MANBA: variants seen among roughly 807,000 people sequenced by gnomAD.
The protein encoded by MANBA is mannosidase beta, also known as beta-mannosidase.
Under a neutral mutation model 111.1 loss-of-function variants are expected in MANBA, and 83 were observed. The observed-to-expected ratio is 0.75, with a 90% confidence interval of 0.63 to 0.90. The LOEUF (loss-of-function observed/expected upper bound fraction) is 0.90. MANBA is among the 40% of genes least tolerant of loss of function. The pLI is 0.00. For missense variants in MANBA, 1,036 were observed against 1,069.0 expected, an observed-to-expected ratio of 0.97 and a Z score of 0.43; for synonymous variants, 370 against 378.7, an observed-to-expected ratio of 0.98 and a Z score of 0.27.
chr4:102,693,919 T>C (rs1347614634), intron 5 of MANBA, among the ~76,000 whole-genome samples: 5 of 152,198 alleles, frequency 3.3e-5, no homozygotes, highest in Non-Finnish European at 7.3e-5. Context: ...CCCTTTACAC[T>C]GAATTTGAAA....
intron 4 of MANBA, chr4:102,722,410 AAAT>A (rs1409699235): frequency 5.3e-6 from 1 of 188,954 alleles, no homozygotes; most frequent in African/African-American, 2.4e-5. Flanking sequence ...ACTCTAAGAA[AAAT>A]AATTACTTTT....
At chr4:102,732,437 G>C (rs926138517) in intron 1 of MANBA, among the ~76,000 whole-genome samples, 2 of 152,220 alleles carry the variant, frequency 1.3e-5, no homozygotes, top group Admixed American at 6.5e-5. Flanking sequence ...TTCCACACAG[G>C]TAAGAGCCAG....
intron 7 of MANBA, among the ~76,000 whole-genome samples, chr4:102,688,295 G>A (rs969102917): frequency 2.7e-4 from 40 of 146,424 alleles, no homozygotes; most frequent in African/African-American, 8.0e-4. Context: ...GCGTGCGCGC[G>A]CACACACACA....
At chr4:102,659,618 C>T (rs1240827324) in intron 11 of MANBA, among the ~76,000 whole-genome samples, 1 of 152,124 alleles carries the variant, frequency 6.6e-6, no homozygotes, top group East Asian at 1.9e-4. Context: ...TAAAAAGTCC[C>T]TTTGATCCCT....
At position 102,721,532 on chromosome 4, in the gene MANBA, A is replaced by T. The variant is rs193090588; in HGVS notation, c.549+1339T>A. ...GTGGAAGCAACCTAAACGTCCGTCAACAGATGAATGGATAAACAAAATGTG... is the reference window on the plus strand; with the variant it reads ...GTGGAAGCAACCTAAACGTCCGTCATCAGATGAATGGATAAACAAAATGTG... On this transcript the variant is annotated intron_variant, in intron 4 of 16. Transcript: ENST00000647097. Among the ~76,000 whole-genome samples, 621 of 152,312 alleles carry T rather than the reference A, an allele frequency of 4.1e-3. 4 individuals carry two copies. Among genetic ancestry groups the T allele is most frequent in the African/African-American group, 0.014 (577 of 41,572 alleles).
At chr4:102,697,258 ATAATT>A (rs1329662385) in intron 5 of MANBA, among the ~76,000 whole-genome samples, 1 of 152,222 alleles carries the variant, frequency 6.6e-6, no homozygotes, top group Admixed American at 6.5e-5. Flanking sequence ...TATGGAAAAA[ATAATT>A]TAAAGATGAA....
chr4:102,639,669 G>A (rs1274464778), intron 14 of MANBA, 44 bp downstream of exon 14: 14 of 1,613,136 alleles, frequency 8.7e-6, no homozygotes, highest in Non-Finnish European at 1.2e-5. Context: ...TCTCCCCACA[G>A]TGTTGCTTTC....
intron 5 of MANBA, among the ~76,000 whole-genome samples, chr4:102,696,003 G>A (rs1327666231): frequency 6.6e-6 from 1 of 152,114 alleles, no homozygotes; most frequent in Non-Finnish European, 1.5e-5. Context: ...TGAGGCAGGA[G>A]GATCTCTTGA....
chr4:102,645,908 T>C (rs72936916), intron 13 of MANBA, among the ~76,000 whole-genome samples: 3 of 152,278 alleles, frequency 2.0e-5, no homozygotes, highest in Non-Finnish European at 2.9e-5. Context: ...CTTTACTTAA[T>C]TGCTGAAAAT....
At chr4:102,722,395 A>G (rs964600838) in intron 4 of MANBA, 5 of 187,956 alleles carry the variant, frequency 2.7e-5, no homozygotes, top group African/African-American at 9.5e-5. Flanking sequence ...TTAGACTGGA[A>G]TCATACTCTA....
chr4:102,676,677 A>G (rs1731742538), intron 7 of MANBA, among the ~76,000 whole-genome samples: 1 of 150,886 alleles, frequency 6.6e-6, no homozygotes, highest in Admixed American at 6.5e-5. Context: ...TATCAGCACG[A>G]TAAATCATCA....
At chr4:102,728,609 C>A in intron 1 of MANBA, 1 of 476,444 alleles carries the variant, frequency 2.1e-6, no homozygotes, top group Middle Eastern at 6.3e-4. Flanking sequence ...CATGGGGGGT[C>A]CCCAGGTAGT....
At chr4:102,722,658 C>G (rs1405857118) in intron 4 of MANBA, 1 of 573,040 alleles carries the variant, frequency 1.7e-6, no homozygotes, top group African/African-American at 1.9e-5. Context: ...GTTCTGAACA[C>G]GCTTCAGGAA....
At chr4:102,749,197 G>GT (rs1217825365) in intron 1 of MANBA, among the ~76,000 whole-genome samples, 1 of 152,206 alleles carries the variant, frequency 6.6e-6, no homozygotes, top group Non-Finnish European at 1.5e-5. Context: ...ATAAGAGAAA[G>GT]TAAGGGTTGG....
intron 11 of MANBA, 51 bp from the exon 12 acceptor site, chr4:102,657,951 G>A: frequency 7.7e-7 from 1 of 1,301,332 alleles, no homozygotes; most frequent in Non-Finnish European, 1.1e-6. Flanking sequence ...ATCCTGTAAA[G>A]TATGTATCAT....
chr4:102,707,008 T>C (rs762556995), intron 5 of MANBA, among the ~76,000 whole-genome samples: 5 of 152,156 alleles, frequency 3.3e-5, no homozygotes, highest in Non-Finnish European at 7.3e-5. Context: ...AGAAAACCTA[T>C]TTAACAAAAT....
intron 13 of MANBA, among the ~76,000 whole-genome samples, chr4:102,646,066 T>C (rs990601251): frequency 2.6e-5 from 4 of 152,070 alleles, no homozygotes; most frequent in Non-Finnish European, 5.9e-5. Flanking sequence ...TCCTCATGTA[T>C]GAAATGGAAA....
intron 11 of MANBA, among the ~76,000 whole-genome samples, chr4:102,660,568 G>A (rs1055001076): frequency 2.0e-5 from 3 of 151,632 alleles, no homozygotes; most frequent in African/African-American, 7.3e-5. Context: ...TAAGCCTCCC[G>A]CCTCAGCTTC....
At chr4:102,671,985 G>C (rs1259658628) in intron 8 of MANBA, 2 of 399,948 alleles carry the variant, frequency 5.0e-6, no homozygotes, top group East Asian at 3.6e-5. Flanking sequence ...TGTGGGCTCA[G>C]CACAGGCACC....
Sources: allele counts gnomAD v4.1 joint callset (sites outside exome capture counted in the v4.1 genomes callset), GRCh38; gene constraint gnomAD v4.1.1; transcripts MANE v1.5; gene names NCBI Gene and HGNC (gene_info 2026-07-23, HGNC 2026-07-21).